The following STARD13 variants were observed in gnomAD, a reference collection of about 807,000 sequenced individuals.
STARD13 encodes StAR related lipid transfer domain containing 13, also known as stAR-related lipid transfer protein 13.
A neutral mutation model predicts 106.4 loss-of-function variants in STARD13; 62 were observed. The ratio of observed to expected loss-of-function variants is 0.58; its 90% CI spans 0.48 to 0.72. STARD13 has a LOEUF of 0.72. Ranked by LOEUF, STARD13 falls within the 30% of genes least tolerant of loss-of-function variation. The pLI is 0.00. For missense variants in STARD13, 1,387 were observed against 1,424.0 expected, an observed-to-expected ratio of 0.97 and a Z score of 0.42; for synonymous variants, 565 against 553.0, an observed-to-expected ratio of 1.02 and a Z score of -0.31.
At chr13:33,442,630 A>C in the STARD13 span, among the ~76,000 whole-genome samples, 1 of 152,218 alleles carries the variant, frequency 6.6e-6, no homozygotes, top group East Asian at 1.9e-4. Context: ...TAAAGCAACA[A>C]AAGTTAGTGT....
the STARD13 span, among the ~76,000 whole-genome samples, chr13:33,457,976 A>G: frequency 6.6e-6 from 1 of 152,232 alleles, no homozygotes; most frequent in East Asian, 1.9e-4. Flanking sequence ...CTTAACTAAG[A>G]CATGGAGAAG....
the STARD13 span, among the ~76,000 whole-genome samples, chr13:33,603,079 C>G: frequency 6.6e-6 from 1 of 152,116 alleles, no homozygotes; most frequent in Non-Finnish European, 1.5e-5. Flanking sequence ...AAGGATCCCT[C>G]GGGCCTCTCA....
chr13:33,609,627 C>T, the STARD13 span, among the ~76,000 whole-genome samples: 1 of 150,208 alleles, frequency 6.7e-6, no homozygotes, highest in African/African-American at 2.5e-5. Flanking sequence ...AGTGCAGTGG[C>T]AGGACCTCGG....
the STARD13 span, among the ~76,000 whole-genome samples, chr13:33,404,316 C>G: frequency 4.6e-5 from 7 of 152,076 alleles, no homozygotes; most frequent in Non-Finnish European, 1.0e-4. Context: ...CTTTTTTTAA[C>G]AGGCAAGAAT....
the STARD13 span, chr13:33,657,384 C>T: frequency 2.0e-5 from 3 of 152,180 alleles, no homozygotes; most frequent in African/African-American, 7.2e-5. Flanking sequence ...CTGTGCTGGG[C>T]ACTGTATGTT....
At position 33,129,491 on chromosome 13, in the gene STARD13, G is replaced by A; in HGVS notation, c.1186C>T (p.His396Tyr). 1 of 1,614,192 alleles carries A rather than the reference G, an allele frequency of 6.2e-7. No individual in the cohort carries two copies. The highest frequency in any genetic ancestry group is 8.5e-7 in the Non-Finnish European group (1 of 1,180,026). ...CCTGGTTTGTGATCCTTGGGAATATGCACCACCAAATTCTCTTGGGAGTGA... is the reference window on the plus strand; with the variant it reads ...CCTGGTTTGTGATCCTTGGGAATATACACCACCAAATTCTCTTGGGAGTGA... ...EFHSQENLVVHIPKDHKPGTF... is the reference protein window; with the variant it reads ...EFHSQENLVVYIPKDHKPGTF... Residue 396 changes from histidine to tyrosine, a missense_variant, in exon 5 of 14, where the codon CAT (histidine) becomes TAT (tyrosine). By Grantham distance (83) the His-to-Tyr change is moderately conservative. Coordinates refer to ENST00000336934, the MANE Select transcript of STARD13 (RefSeq NM_178006.4).
chr13:33,211,817 GTGTGTGTGTA>G (rs1404372177), intron 1 of STARD13, among the ~76,000 whole-genome samples: 1 of 133,196 alleles, frequency 7.5e-6, no homozygotes, highest in East Asian at 2.0e-4. Context: ...GTGTGTGTGT[GTGTGTGTGTA>G]TGTGTGTGTG....
chr13:33,361,761 AACTC>A, the STARD13 span, among the ~76,000 whole-genome samples: 2 of 152,260 alleles, frequency 1.3e-5, no homozygotes, highest in African/African-American at 2.4e-5. Context: ...ATCTCATGAG[AACTC>A]ACTCACTATC....
At chr13:33,486,072 A>G in the STARD13 span, among the ~76,000 whole-genome samples, 1 of 152,156 alleles carries the variant, frequency 6.6e-6, no homozygotes, top group Non-Finnish European at 1.5e-5. Context: ...TTTCACCTGC[A>G]TTTTGAGATC....
chr13:33,264,572 A>G (rs1484440198), intron 1 of STARD13, among the ~76,000 whole-genome samples: 1 of 152,228 alleles, frequency 6.6e-6, no homozygotes, highest in African/African-American at 2.4e-5. Flanking sequence ...GACCTCTTCC[A>G]TGCCACCCAT....
chr13:33,267,583 A>G (rs1252638853), intron 1 of STARD13, among the ~76,000 whole-genome samples: 1 of 152,180 alleles, frequency 6.6e-6, no homozygotes, highest in Non-Finnish European at 1.5e-5. Flanking sequence ...CCTGACACAG[A>G]GTAGCTACTT....
chr13:33,503,252 T>C, the STARD13 span, among the ~76,000 whole-genome samples: 5 of 152,192 alleles, frequency 3.3e-5, no homozygotes, highest in Non-Finnish European at 5.9e-5. Flanking sequence ...TTTTATTGCA[T>C]CTATTTGATT....
At chr13:33,604,245 A>G in the STARD13 span, among the ~76,000 whole-genome samples, 1 of 152,228 alleles carries the variant, frequency 6.6e-6, no homozygotes, top group East Asian at 1.9e-4. Context: ...GAAATGTCAG[A>G]AAGAAATGAT....
Position 33,147,505 on chromosome 13 carries a change from A to G in STARD13, c.324-5132T>C, listed in dbSNP as rs189458680. ...AAAATCTCTGTCCAATCATTTGCTG[A>G]TTACTAAATTAACTGAGTAGATACT... On this transcript the variant is annotated intron_variant, in intron 3 of 13. Transcript: ENST00000336934. Among the ~76,000 whole-genome samples the G allele has an allele frequency of 4.5e-3, 682 of 152,340 alleles. 6 individuals are homozygous for G. The highest frequency in any genetic ancestry group is 0.015 in the African/African-American group (628 of 41,574).
In STARD13 at chr13:33,112,825, G is replaced by A. The variant is rs755688487; in HGVS notation, c.2388C>T (p.Val796=). Residue 796 remains valine (V), a synonymous_variant, in exon 9 of 14, where the codon GTC becomes GTT. Coordinates refer to ENST00000336934, the MANE Select transcript of STARD13 (RefSeq NM_178006.4). ...LQTLLCFLND[V]VNLVEENQMT... ...TCTGATTCTCTTCCACCAAGTTGAC[G>A]ACGTCGTTCAGGAAACACAAGAGCG... The A allele has an allele frequency of 5.8e-5, 94 of 1,613,788 alleles. No homozygotes were observed. Among genetic ancestry groups the A allele is most frequent in the East Asian group, 8.9e-5 (4 of 44,884 alleles).
chr13:33,152,377 G>A, intron 3 of STARD13, among the ~76,000 whole-genome samples: 1 of 148,400 alleles, frequency 6.7e-6, no homozygotes, highest in Non-Finnish European at 1.5e-5. Flanking sequence ...CTACTACTTT[G>A]CTGACACTAT....
intron 1 of STARD13, among the ~76,000 whole-genome samples, chr13:33,169,076 AGTGT>A (rs1377020405): frequency 6.6e-6 from 1 of 152,208 alleles, no homozygotes; most frequent in Admixed American, 6.5e-5. Flanking sequence ...TTTCCACTTA[AGTGT>A]GACCAGCATG....
chr13:33,582,083 G>T, the STARD13 span, among the ~76,000 whole-genome samples: 9 of 152,124 alleles, frequency 5.9e-5, no homozygotes, highest in East Asian at 1.4e-3. Context: ...TTAGCTGGGC[G>T]TGGTGGTGGG....
At chr13:33,509,727 G>C in the STARD13 span, among the ~76,000 whole-genome samples, 1 of 152,214 alleles carries the variant, frequency 6.6e-6, no homozygotes, top group Non-Finnish European at 1.5e-5. Flanking sequence ...ACAGCCAACA[G>C]ATCTGTCAGG....
Sources: gnomAD v4.1 joint callset for allele counts (sites outside exome capture counted in the v4.1 genomes callset) on GRCh38, gnomAD v4.1.1 for gene constraint, MANE v1.5 for transcripts, NCBI Gene and HGNC (gene_info 2026-07-23, HGNC 2026-07-21) for gene names.